C13orf42: variants seen among roughly 807,000 people sequenced by gnomAD.
The protein encoded by C13orf42 is chromosome 13 open reading frame 42.
upstream of C13orf42, among the ~76,000 whole-genome samples, chr13:51,111,512 A>G (rs527526571): frequency 2.0e-5 from 3 of 152,348 alleles, no homozygotes; most frequent in Non-Finnish European, 4.4e-5. Context: ...AAATACCTTC[A>G]GTGCTCTCCC....
intron 1 of C13orf42, among the ~76,000 whole-genome samples, chr13:51,134,905 G>A (rs1953645605): frequency 6.6e-6 from 1 of 152,234 alleles, no homozygotes; most frequent in Non-Finnish European, 1.5e-5. Flanking sequence ...TGACCTGGAT[G>A]GAGCCACCAG....
intron 1 of C13orf42, among the ~76,000 whole-genome samples, chr13:51,169,332 T>A (rs1593561289): frequency 6.6e-6 from 1 of 152,212 alleles, no homozygotes; most frequent in East Asian, 1.9e-4. Context: ...CCAAAGTCAC[T>A]TTTGTTATGC....
At chr13:51,091,114 A>C (rs1953176353) in intron 1 of C13orf42, among the ~76,000 whole-genome samples, 1 of 152,192 alleles carries the variant, frequency 6.6e-6, no homozygotes, top group African/African-American at 2.4e-5. Context: ...ATCACTCTGA[A>C]ACACTGACAA....
intron 1 of C13orf42, among the ~76,000 whole-genome samples, chr13:51,128,421 G>A (rs1247347087): frequency 6.6e-6 from 1 of 152,204 alleles, no homozygotes; most frequent in Non-Finnish European, 1.5e-5. Context: ...ATAGACGGCA[G>A]CACTGATGGG....
chr13:51,161,083 TTTTC>T (rs1234249962), intron 1 of C13orf42, among the ~76,000 whole-genome samples: 3 of 128,862 alleles, frequency 2.3e-5, no homozygotes, highest in Non-Finnish European at 5.4e-5. Context: ...TTCAGGACTT[TTTTC>T]TTTTTTTTTT....
intron 1 of C13orf42, among the ~76,000 whole-genome samples, chr13:51,152,984 C>A (rs1953791536): frequency 6.6e-6 from 1 of 152,194 alleles, no homozygotes; most frequent in Non-Finnish European, 1.5e-5. Flanking sequence ...GTTTCTGCAG[C>A]ACAACCAGGG....
At chr13:51,086,383 A>G (rs1357837541) in intron 2 of C13orf42, among the ~76,000 whole-genome samples, 3 of 152,134 alleles carry the variant, frequency 2.0e-5, no homozygotes, top group African/African-American at 7.2e-5. Context: ...AAGTAGCCCA[A>G]GATGTATTGT....
intron 1 of C13orf42, among the ~76,000 whole-genome samples, chr13:51,136,503 T>C (rs1270014660): frequency 6.6e-6 from 1 of 152,100 alleles, no homozygotes; most frequent in African/African-American, 2.4e-5. Context: ...CTAAGTGCTA[T>C]CAAAAAAAGT....
At chr13:51,159,107 TC>T (rs1953844289) in intron 1 of C13orf42, among the ~76,000 whole-genome samples, 1 of 152,144 alleles carries the variant, frequency 6.6e-6, no homozygotes, top group Non-Finnish European at 1.5e-5. Flanking sequence ...TTTTGCCAGT[TC>T]TGAGTCATTG....
rs529684752 is a variant in C13orf42 at position 51,132,259 on chromosome 13, C to T, written n.137-19037G>A. On this transcript the variant is annotated intron_variant and non_coding_transcript_variant, in intron 1 of 4. Transcript: ENST00000433280. Reference sequence around the variant, plus strand: ...AGATCGAGACTATCCTGGCCAATATCGTGAAACCTCAGCTCTACTAAAAAT... The same window carrying T: ...AGATCGAGACTATCCTGGCCAATATTGTGAAACCTCAGCTCTACTAAAAAT... Among the ~76,000 whole-genome samples, 14 of 152,122 alleles carry T rather than the reference C, an allele frequency of 9.2e-5. No homozygotes were observed. The South Asian group carries it at 2.5e-3, about 27-fold the overall frequency.
At chr13:51,101,599 A>G (rs956220733) in intron 1 of C13orf42, among the ~76,000 whole-genome samples, 20 of 152,252 alleles carry the variant, frequency 1.3e-4, no homozygotes, top group Admixed American at 1.3e-4. Context: ...TTCTTAAATT[A>G]CAATTGGAGT....
chr13:51,120,347 G>A (rs1198571557), intron 1 of C13orf42, among the ~76,000 whole-genome samples: 2 of 152,200 alleles, frequency 1.3e-5, no homozygotes, highest in Non-Finnish European at 2.9e-5. Flanking sequence ...GAGCCAAGAT[G>A]TGAACGCAGA....
At chr13:51,110,071 ACTCT>A (rs1953410204) in intron 1 of C13orf42, among the ~76,000 whole-genome samples, 1 of 151,786 alleles carries the variant, frequency 6.6e-6, no homozygotes, top group Non-Finnish European at 1.5e-5. Flanking sequence ...AGAGACACAG[ACTCT>A]CTCCGTGTCT....
intron 1 of C13orf42, among the ~76,000 whole-genome samples, chr13:51,160,741 G>C (rs560288662): frequency 1.8e-4 from 27 of 152,080 alleles, no homozygotes; most frequent in African/African-American, 6.3e-4. Flanking sequence ...AAAACTCTTA[G>C]CAAACTAGAA....
intron 1 of C13orf42, among the ~76,000 whole-genome samples, chr13:51,139,035 G>A (rs370007295): frequency 1.7e-4 from 26 of 152,106 alleles, no homozygotes; most frequent in African/African-American, 4.8e-4. Flanking sequence ...GTCAAACTCC[G>A]GCCGGGTGCA....
intron 1 of C13orf42, among the ~76,000 whole-genome samples, chr13:51,104,791 C>T (rs1446057207): frequency 6.9e-6 from 1 of 144,278 alleles, no homozygotes; most frequent in Non-Finnish European, 1.5e-5. Context: ...AAAAAAAAAG[C>T]CAAGCTAAGA....
chr13:51,087,404 T>A (rs1953139556), intron 2 of C13orf42, among the ~76,000 whole-genome samples: 1 of 152,204 alleles, frequency 6.6e-6, no homozygotes, highest in Non-Finnish European at 1.5e-5. Context: ...TTCTTTTTTT[T>A]AAGTTGTGGT....
intron 1 of C13orf42, among the ~76,000 whole-genome samples, chr13:51,133,044 C>T (rs1041006611): frequency 2.0e-5 from 3 of 152,188 alleles, no homozygotes; most frequent in Non-Finnish European, 4.4e-5. Context: ...GAATAATCCA[C>T]CCCTTGTTTG....
intron 1 of C13orf42, among the ~76,000 whole-genome samples, chr13:51,156,110 G>A (rs1953822606): frequency 6.6e-6 from 1 of 152,192 alleles, no homozygotes; most frequent in African/African-American, 2.4e-5. Flanking sequence ...CCCCCGGCCT[G>A]TAACCCAGGG....
Sources: allele counts gnomAD v4.1 joint callset (sites outside exome capture counted in the v4.1 genomes callset), GRCh38; gene constraint gnomAD v4.1.1; transcripts MANE v1.5; gene names NCBI Gene and HGNC (gene_info 2026-07-23, HGNC 2026-07-21).